PTK2: variants seen among roughly 807,000 people sequenced by gnomAD.
PTK2 encodes the protein focal adhesion kinase 1.
In PTK2, 45 loss-of-function variants were observed where a neutral mutation model predicts 150.1. That is an observed-to-expected ratio of 0.30 (90% CI 0.24 to 0.38). The LOEUF is 0.38. Ranked by LOEUF, PTK2 falls within the 10% of genes least tolerant of loss-of-function variation. The pLI is 1.00. For missense variants in PTK2, 919 were observed against 1,307.3 expected, an observed-to-expected ratio of 0.70 and a Z score of 4.58; for synonymous variants, 432 against 449.2, an observed-to-expected ratio of 0.96 and a Z score of 0.48.
intron 2 of PTK2, among the ~76,000 whole-genome samples, chr8:140,903,057 G>T (rs969404161): frequency 1.4e-4 from 20 of 146,472 alleles, no homozygotes; most frequent in African/African-American, 4.5e-4. Flanking sequence ...CTTTGCCCAT[G>T]CCTATGTCCT....
rs1267394860 is a variant in PTK2, at chr8:140,834,676, T to G, written c.594-4150A>C. ...CCTTTTCTTAAGTGAGATAATTACA[T>G]AAACAACTAACTACAACACAGTGTG... On this transcript the variant is annotated intron_variant, in intron 7 of 31. Transcript: ENST00000522684. Among the ~76,000 whole-genome samples, 5 of 152,192 alleles carry G rather than the reference T, an allele frequency of 3.3e-5. No individual in the cohort carries two copies. The East Asian group carries it at 7.7e-4, about 23-fold the overall frequency.
chr8:140,890,528 G>GA lies in PTK2; in HGVS notation c.195+14dup. 6.2e-7 allele frequency: 1 copy of GA among 1,601,552 alleles called. No individual in the cohort carries two copies. Among genetic ancestry groups the GA allele is most frequent in the Non-Finnish European group, 8.5e-7 (1 of 1,169,620 alleles). ...AAATAAACATTAAAGATGTCTCATG[G>GA]AAAAACGTACTTACCCTGACATCAG... On this transcript the variant is annotated intron_variant, in intron 3 of 31. Coordinates refer to ENST00000522684, the Ensembl canonical transcript of PTK2.
At chr8:140,840,265 A>G (rs1000797079) in intron 7 of PTK2, among the ~76,000 whole-genome samples, 1 of 152,178 alleles carries the variant, frequency 6.6e-6, no homozygotes, top group Non-Finnish European at 1.5e-5. Flanking sequence ...TCGCTATGCT[A>G]TCCGTGCTGG....
chr8:140,837,219 T>C (rs1392287230), intron 7 of PTK2, among the ~76,000 whole-genome samples: 1 of 152,192 alleles, frequency 6.6e-6, no homozygotes, highest in African/African-American at 2.4e-5. Flanking sequence ...GGAAGTAACG[T>C]ACCAGGGACA....
chr8:140,963,711 A>G (rs2100184210), intron 1 of PTK2, among the ~76,000 whole-genome samples: 1 of 152,186 alleles, frequency 6.6e-6, no homozygotes, highest in South Asian at 2.1e-4. Flanking sequence ...TTTGAAAAGC[A>G]ATTTTCCAAC....
chr8:140,875,482 G>A lies in PTK2; in HGVS notation c.362+3989C>T, dbSNP rs184367315. Among the ~76,000 whole-genome samples the A allele has an allele frequency of 6.1e-3, 924 of 152,286 alleles. 2 individuals are homozygous for A. Among genetic ancestry groups the A allele is most frequent in the Middle Eastern group, 0.01 (3 of 294 alleles). ...TGATGTCACCAGAGTGGAGGAGGAAGAGGAAGAGCAGAAGGAGATAAGGAC... is the reference window on the plus strand; with the variant it reads ...TGATGTCACCAGAGTGGAGGAGGAAAAGGAAGAGCAGAAGGAGATAAGGAC... On this transcript the variant is annotated intron_variant, in intron 4 of 31. Transcript: ENST00000522684.
At chr8:140,814,467 G>T (rs903264092) in intron 10 of PTK2, among the ~76,000 whole-genome samples, 1 of 152,160 alleles carries the variant, frequency 6.6e-6, no homozygotes, top group African/African-American at 2.4e-5. Context: ...CCATGATCAA[G>T]TAGGCTTTAT....
intron 5 of PTK2, among the ~76,000 whole-genome samples, chr8:140,850,507 C>T (rs376017843): frequency 6.1e-5 from 9 of 147,246 alleles, no homozygotes; most frequent in East Asian, 2.0e-4. Context: ...GGGTAGATCA[C>T]GAGGTCAGGA....
At chr8:140,772,554 C>A (rs955194217) in intron 14 of PTK2, among the ~76,000 whole-genome samples, 2 of 152,184 alleles carry the variant, frequency 1.3e-5, no homozygotes, top group South Asian at 4.1e-4. Context: ...ATTTAGACTG[C>A]GGATAAGAGC....
At chr8:140,825,922 G>A (rs371060974) in intron 8 of PTK2, among the ~76,000 whole-genome samples, 8 of 152,240 alleles carry the variant, frequency 5.3e-5, no homozygotes, top group Middle Eastern at 3.4e-3. Flanking sequence ...TCAACGAGAC[G>A]GAAATTAAAA....
At chr8:140,951,155 T>G (rs904897613) in intron 1 of PTK2, among the ~76,000 whole-genome samples, 1 of 152,106 alleles carries the variant, frequency 6.6e-6, no homozygotes, top group Non-Finnish European at 1.5e-5. Flanking sequence ...CCCTGAAAAT[T>G]ATCTCCATAT....
chr8:140,786,354 GC>G lies in PTK2; in HGVS notation c.1177+3119del, dbSNP rs2100084943. ...GTAGGGCCTCTACCTTGGTGTGTCA[GC>G]ACTACATCCCACATAGTACGGTGTT... On this transcript the variant is annotated intron_variant, in intron 14 of 31. Coordinates refer to ENST00000522684, the Ensembl canonical transcript of PTK2. 6.6e-5 allele frequency among the ~76,000 whole-genome samples: 10 copies of G among 152,162 alleles called. No homozygotes were observed. In the South Asian group the frequency reaches 2.1e-3, roughly 31 times the overall value.
chr8:140,920,924 C>T lies in PTK2; in HGVS notation c.-33+4737G>A, dbSNP rs768511887. ...CAGTTCCAACAACATACACCCAATC[C>T]TATAAAGATCAAGCCAGGAGTCTGC... On this transcript the variant is annotated intron_variant, in intron 2 of 31. Transcript: ENST00000522684. 12 of 1,500,216 alleles carry T rather than the reference C, an allele frequency of 8.0e-6. 2 individuals are homozygous for T. In the South Asian group the frequency reaches 1.5e-4, roughly 19 times the overall value. 92.9% of individuals were successfully genotyped at this position (1,500,216 alleles called of 1,614,324 possible). A position where few individuals can be genotyped will look rare whatever the true frequency, so the allele number is the denominator to read the frequency against.
At chr8:140,874,618 A>G (rs1374658693) in intron 4 of PTK2, among the ~76,000 whole-genome samples, 2 of 152,152 alleles carry the variant, frequency 1.3e-5, no homozygotes, top group African/African-American at 4.8e-5. Flanking sequence ...CTCCAGGAAA[A>G]GTTATTAAGC....
At position 140,668,524 on chromosome 8, in the gene PTK2, T is replaced by C. The variant is rs564103699; in HGVS notation, c.2710-100A>G. 574 of 1,329,484 alleles carry C rather than the reference T, an allele frequency of 4.3e-4. 1 individual carries two copies. The highest frequency in any genetic ancestry group is 1.1e-3 in the Middle Eastern group (4 of 3,644). The allele number at this position is 1,329,484 out of a possible 1,614,324, so 82.4% of individuals were successfully genotyped here. ...GGTCTTTACAAGAGATCAAAGCAGA[T>C]TGCAGAAGGTCATTGATTTTCTTGT... On this transcript the variant is annotated intron_variant, in intron 29 of 31. Transcript: ENST00000522684.
intron 2 of PTK2, among the ~76,000 whole-genome samples, chr8:140,895,931 C>T (rs890484873): frequency 1.3e-5 from 2 of 152,010 alleles, no homozygotes; most frequent in Non-Finnish European, 2.9e-5. Flanking sequence ...TTAAAAGTTA[C>T]TCTTTTAAAA....
intron 5 of PTK2, among the ~76,000 whole-genome samples, chr8:140,848,922 A>G (rs2100127355): frequency 6.6e-6 from 1 of 152,228 alleles, no homozygotes; most frequent in South Asian, 2.1e-4. Context: ...ACCAAATTCA[A>G]TTAATCTTGA....
At chr8:140,711,539 A>G (rs1233488957) in intron 23 of PTK2, among the ~76,000 whole-genome samples, 1 of 152,230 alleles carries the variant, frequency 6.6e-6, no homozygotes, top group Non-Finnish European at 1.5e-5. Flanking sequence ...TATTTTGTAT[A>G]GTTTATGAGG....
exon 24 of PTK2, chr8:140,706,119 C>T (rs375518069): frequency 2.5e-6 from 4 of 1,598,544 alleles, no homozygotes; most frequent in Non-Finnish European, 3.4e-6. Context: ...ACTGGCATAC[C>T]TGGTAATGAT....
Sources: allele counts gnomAD v4.1 joint callset (sites outside exome capture counted in the v4.1 genomes callset), GRCh38; gene constraint gnomAD v4.1.1; transcripts MANE v1.5; gene names NCBI Gene and HGNC (gene_info 2026-07-23, HGNC 2026-07-21).